The following AGAP1 variants were observed in gnomAD, a reference collection of about 807,000 sequenced individuals.
AGAP1 encodes arf-GAP with GTPase, ANK repeat and PH domain-containing protein 1.
AGAP1 carries 29 observed loss-of-function variants against 105.3 expected under a neutral mutation model. The observed-to-expected ratio is 0.28, with a 90% CI of 0.21 to 0.38. The LOEUF (loss-of-function observed/expected upper bound fraction) is 0.38. Among genes scored for constraint, AGAP1 ranks in the 10% least tolerant of loss-of-function variants. AGAP1 has a pLI of 1.00. For missense variants in AGAP1, 998 were observed against 1,165.1 expected (o/e 0.86, Z 2.09); for synonymous variants, 509 against 485.9 (o/e 1.05, Z -0.63).
chr2:235,749,969 G>T (rs1298215053), intron 5 of AGAP1, among the ~76,000 whole-genome samples: 1 of 152,210 alleles, frequency 6.6e-6, no homozygotes, highest in Non-Finnish European at 1.5e-5. Context: ...ACACCTAGAA[G>T]AAGAATGCCA....
At chr2:235,922,411 A>G (rs2052227115) in intron 11 of AGAP1, among the ~76,000 whole-genome samples, 1 of 152,352 alleles carries the variant, frequency 6.6e-6, no homozygotes, top group East Asian at 1.9e-4. Flanking sequence ...CGCCATCACC[A>G]AGAGTTGCTC....
At chr2:235,657,249 A>G (rs1186380317) in intron 1 of AGAP1, among the ~76,000 whole-genome samples, 1 of 152,160 alleles carries the variant, frequency 6.6e-6, no homozygotes, top group African/African-American at 2.4e-5. Flanking sequence ...CCTGGAGTTG[A>G]GTTGTTCAAT....
In AGAP1 at chr2:236,079,369, TTAA is replaced by T. The variant is rs376161871; in HGVS notation, c.2114+30089_2114+30091del. On this transcript the variant is annotated intron_variant, in intron 16 of 17. Coordinates refer to ENST00000304032, the MANE Select transcript of AGAP1 (RefSeq NM_001037131.3). The stretch of plus-strand genomic sequence containing the variant: ...CTCTGTCTCTACAAAAAAAGAAAAT[TTAA>T]AAAAAAAAAAAAAAAAACAGGCATG... 2.3e-3 allele frequency among the ~76,000 whole-genome samples: 251 copies of T among 108,508 alleles called. 1 individual carries two copies. Among genetic ancestry groups the T allele is most frequent in the African/African-American group, 0.012 (239 of 20,490 alleles). The allele number at this position is 108,508 out of a possible 152,430, so 71.2% of individuals were successfully genotyped here. A position where few individuals can be genotyped will look rare whatever the true frequency, so the allele number is the denominator to read the frequency against.
chr2:235,868,327 C>T (rs2049279148), intron 9 of AGAP1, among the ~76,000 whole-genome samples: 1 of 152,102 alleles, frequency 6.6e-6, no homozygotes, highest in Admixed American at 6.6e-5. Flanking sequence ...TTCATTTGAT[C>T]TCATTGCGAA....
At chr2:235,710,449 G>T (rs527560639) in intron 2 of AGAP1, among the ~76,000 whole-genome samples, 4 of 152,142 alleles carry the variant, frequency 2.6e-5, no homozygotes, top group Non-Finnish European at 5.9e-5. Context: ...CATCCCCACC[G>T]CAACCGCGGG....
At position 235,686,603 on chromosome 2, in the gene AGAP1, A is replaced by G. The variant is rs1335656284; in HGVS notation, c.164-22576A>G. 1.5e-5 allele frequency among the ~76,000 whole-genome samples: 2 copies of G among 132,788 alleles called. 1 individual carries two copies. The highest frequency in any genetic ancestry group is 6.0e-5 in the African/African-American group (2 of 33,362). The allele number at this position is 132,788 out of a possible 152,430, so 87.1% of individuals were successfully genotyped here. On this transcript the variant is annotated intron_variant, in intron 1 of 17. Transcript: ENST00000304032. ...CACACACACACGTGTGTGTGTATAT[A>G]TATACGTGGAGATATAGATATATAT...
At chr2:235,812,846 C>T (rs1958231124) in intron 9 of AGAP1, among the ~76,000 whole-genome samples, 1 of 152,218 alleles carries the variant, frequency 6.6e-6, no homozygotes, top group African/African-American at 2.4e-5. Context: ...GTACGATGTC[C>T]ACCCACGTGG....
intron 1 of AGAP1, among the ~76,000 whole-genome samples, chr2:235,536,805 G>A (rs528271283): frequency 2.1e-4 from 32 of 152,304 alleles, no homozygotes; most frequent in Admixed American, 6.5e-4. Flanking sequence ...GATTCTTCAC[G>A]CGTCAGTGTT....
rs190940086 is a variant in AGAP1, at chr2:235,981,021, G to A, written c.1645+12398G>A. Among the ~76,000 whole-genome samples, 5 of 152,174 alleles carry A rather than the reference G, an allele frequency of 3.3e-5. No homozygotes were observed. The highest frequency in any genetic ancestry group is 2.6e-4 in the Admixed American group (4 of 15,282). ...CTCTTAATTCTGATTCTTGTCTTAC[G>A]GATTGTCTTAGAATGATTAGGAAAA... On this transcript the variant is annotated intron_variant, in intron 13 of 17. Coordinates refer to ENST00000304032, the MANE Select transcript of AGAP1 (RefSeq NM_001037131.3). This position sits in a 1 kb window ranked among gnomAD's most constrained non-coding sequence, Gnocchi z 5.5.
rs1392170038 is a variant in AGAP1 at position 235,690,750 on chromosome 2, AC to A, written c.164-18428del. ...CTGTCTGCTTGGGGCAGGTATACTGACTTTTTGTTGCTTTTACGGTTATCTT... is the reference window on the plus strand; with the variant it reads ...CTGTCTGCTTGGGGCAGGTATACTGATTTTTGTTGCTTTTACGGTTATCTT... On this transcript the variant is annotated intron_variant, in intron 1 of 17. Transcript: ENST00000304032. The surrounding 1 kb of genome is among the most constrained non-coding windows in gnomAD (Gnocchi z 4.1). Among the ~76,000 whole-genome samples, 1 of 152,016 alleles carries A rather than the reference AC, an allele frequency of 6.6e-6. No homozygotes were observed. Among genetic ancestry groups the A allele is most frequent in the Non-Finnish European group, 1.5e-5 (1 of 68,026 alleles).
chr2:235,760,844 T>G (rs1470127374), intron 6 of AGAP1, among the ~76,000 whole-genome samples: 1 of 152,218 alleles, frequency 6.6e-6, no homozygotes, highest in Non-Finnish European at 1.5e-5. Context: ...TGTCTCAGCC[T>G]TCCAAAGTGT....
At chr2:235,518,748 G>A (rs1942498396) in intron 1 of AGAP1, among the ~76,000 whole-genome samples, 2 of 152,322 alleles carry the variant, frequency 1.3e-5, no homozygotes, top group Middle Eastern at 3.4e-3. Context: ...AATCCTCAAA[G>A]TAATAATAAC....
chr2:235,809,453 C>T (rs1456664891), intron 9 of AGAP1, among the ~76,000 whole-genome samples: 2 of 152,166 alleles, frequency 1.3e-5, no homozygotes, highest in Non-Finnish European at 2.9e-5. Flanking sequence ...CACATCCACA[C>T]CTGTCCCAGC....
intron 1 of AGAP1, among the ~76,000 whole-genome samples, chr2:235,697,058 C>T (rs1005689532): frequency 1.3e-5 from 2 of 152,180 alleles, no homozygotes; most frequent in Non-Finnish European, 2.9e-5. Context: ...TTTAGCTGAA[C>T]CTTCCCCTTA....
At chr2:235,797,963 G>A (rs1270778104) in intron 7 of AGAP1, 77 bp downstream of exon 7, 2 of 1,517,356 alleles carry the variant, frequency 1.3e-6, no homozygotes, top group Non-Finnish European at 1.8e-6. Context: ...CCAATGCTAA[G>A]GTTGATTTTT....
chr2:235,629,747 G>A (rs1332437329), intron 1 of AGAP1, among the ~76,000 whole-genome samples: 2 of 150,936 alleles, frequency 1.3e-5, no homozygotes, highest in Middle Eastern at 3.2e-3. Flanking sequence ...ACGTGGTGGC[G>A]TGTACTTGTA....
chr2:235,632,059 G>A (rs562881148), intron 1 of AGAP1, among the ~76,000 whole-genome samples: 67 of 152,162 alleles, frequency 4.4e-4, no homozygotes, highest in Non-Finnish European at 9.3e-4. Flanking sequence ...TTTGTTAAGG[G>A]GTAAGAGAAA....
Position 235,750,324 on chromosome 2 carries a change from G to A in AGAP1, c.539-30G>A, listed in dbSNP as rs756142948. On this transcript the variant is annotated intron_variant, in intron 5 of 17. Transcript: ENST00000304032. This position sits in a 1 kb window ranked among gnomAD's most constrained non-coding sequence, Gnocchi z 5.3. ...AGTATTTAGAGCTGTCATTGTCACT[G>A]TGCCGTTACTTTTTGGTCTTCTGTT... The A allele has an allele frequency of 9.3e-6, 15 of 1,613,428 alleles. No homozygotes were observed. The African/African-American group carries it at 1.9e-4, about 20-fold the overall frequency.
intron 6 of AGAP1, among the ~76,000 whole-genome samples, chr2:235,784,663 TG>T (rs1956505947): frequency 6.6e-6 from 1 of 150,532 alleles, no homozygotes; most frequent in African/African-American, 2.4e-5. Flanking sequence ...TCAGTAGCCA[TG>T]GCCTATGCAA....
Sources: gnomAD v4.1 joint callset for allele counts (sites outside exome capture counted in the v4.1 genomes callset) on GRCh38, gnomAD v4.1.1 for gene constraint, Gnocchi (gnomAD v3.1) non-coding constraint, MANE v1.5 for transcripts, NCBI Gene and HGNC (gene_info 2026-07-23, HGNC 2026-07-21) for gene names.